UNC79: variants seen among roughly 807,000 people sequenced by gnomAD.
UNC79 encodes unc-79 subunit of NALCN channel complex.
Under a neutral mutation model 283.1 loss-of-function variants are expected in UNC79, and 37 were observed. The ratio of observed to expected loss-of-function variants is 0.13; its 90% CI spans 0.10 to 0.17. The LOEUF (loss-of-function observed/expected upper bound fraction) is 0.17, where lower values mean the gene tolerates loss of function less well. Among genes scored for constraint, UNC79 ranks in the 10% least tolerant of loss-of-function variants. The pLI is 1.00. For missense variants in UNC79, 2,272 were observed against 3,211.1 expected, an observed-to-expected ratio of 0.71 and a Z score of 7.07; for synonymous variants, 1,107 against 1,200.2, an observed-to-expected ratio of 0.92 and a Z score of 1.61.
intron 35 of UNC79, among the ~76,000 whole-genome samples, chr14:93,649,533 T>A (rs1177387808): frequency 6.6e-6 from 1 of 152,204 alleles, no homozygotes; most frequent in Non-Finnish European, 1.5e-5. Flanking sequence ...AAGTTAGCAT[T>A]AACTCAAGTT....
chr14:93,417,318 AT>A (rs1293042852), intron 1 of UNC79, among the ~76,000 whole-genome samples: 1 of 152,066 alleles, frequency 6.6e-6, no homozygotes, highest in Non-Finnish European at 1.5e-5. Context: ...TGGGTTGAAA[AT>A]TCTTTTCTTT....
At chr14:93,610,093 G>A (rs1002673804) in intron 26 of UNC79, among the ~76,000 whole-genome samples, 10 of 152,156 alleles carry the variant, frequency 6.6e-5, no homozygotes, top group Non-Finnish European at 1.3e-4. Context: ...AAAACTCAGG[G>A]TTGCACATTG....
chr14:93,532,728 G>A (rs2060888505), intron 11 of UNC79, 150 bp downstream of exon 11: 2 of 896,350 alleles, frequency 2.2e-6, no homozygotes, highest in South Asian at 2.4e-5. Flanking sequence ...AATTTAGCAT[G>A]CAAGATTGCT....
chr14:93,336,468 A>T (rs2053580024), intron 1 of UNC79, among the ~76,000 whole-genome samples: 1 of 151,828 alleles, frequency 6.6e-6, no homozygotes. Context: ...CAGCCTCCCG[A>T]GTAGCTGGGA....
At chr14:93,476,076 C>T (rs1033514677) in intron 3 of UNC79, among the ~76,000 whole-genome samples, 3 of 152,028 alleles carry the variant, frequency 2.0e-5, no homozygotes, top group Admixed American at 6.6e-5. Flanking sequence ...AATTCTGGTC[C>T]CACCCGGGGA....
intron 1 of UNC79, among the ~76,000 whole-genome samples, chr14:93,453,048 C>T (rs549048162): frequency 6.6e-6 from 1 of 152,290 alleles, no homozygotes; most frequent in African/African-American, 2.4e-5. Flanking sequence ...TCATGAATGG[C>T]AACTTGAATT....
chr14:93,519,213 T>C (rs1344233334), intron 7 of UNC79, among the ~76,000 whole-genome samples: 1 of 151,910 alleles, frequency 6.6e-6, no homozygotes, highest in African/African-American at 2.4e-5. Flanking sequence ...TCTAGGTTAA[T>C]TGACCCTTTC....
intron 14 of UNC79, among the ~76,000 whole-genome samples, chr14:93,554,070 G>C (rs2062030702): frequency 6.6e-6 from 1 of 152,208 alleles, no homozygotes; most frequent in African/African-American, 2.4e-5. Context: ...AGACAGCATG[G>C]CTGGGCATGG....
At chr14:93,606,105 C>G (rs999519247) in intron 26 of UNC79, among the ~76,000 whole-genome samples, 1 of 152,190 alleles carries the variant, frequency 6.6e-6, no homozygotes, top group Non-Finnish European at 1.5e-5. Flanking sequence ...TTATTTTACT[C>G]TAGCTTGTCT....
At chr14:93,682,787 C>A (rs944124992) in intron 42 of UNC79, 93 bp downstream of exon 45, 40 of 1,236,422 alleles carry the variant, frequency 3.2e-5, no homozygotes, top group Non-Finnish European at 4.3e-5. Flanking sequence ...GGGTTTGAGG[C>A]CTGCCATTTA....
At chr14:93,347,625 C>CTT (rs1951374249) in intron 1 of UNC79, among the ~76,000 whole-genome samples, 1 of 152,010 alleles carries the variant, frequency 6.6e-6, no homozygotes, top group Non-Finnish European at 1.5e-5. Context: ...AAGCCCGGGA[C>CTT]CCTGAGGAAC....
At chr14:93,401,231 A>G (rs1466254089) in intron 1 of UNC79, among the ~76,000 whole-genome samples, 1 of 152,206 alleles carries the variant, frequency 6.6e-6, no homozygotes. Context: ...TTCCAAAGAG[A>G]GACAGATCTT....
downstream of UNC79, chr14:93,707,736 T>C (rs1288834960): frequency 6.6e-6 from 1 of 152,256 alleles, no homozygotes; most frequent in Non-Finnish European, 1.5e-5. Flanking sequence ...GCACCAAGAT[T>C]TCTCTGCACC....
At chr14:93,371,656 T>C (rs2054450592) in intron 1 of UNC79, among the ~76,000 whole-genome samples, 1 of 151,952 alleles carries the variant, frequency 6.6e-6, no homozygotes, top group African/African-American at 2.4e-5. Flanking sequence ...CTGGCTAACA[T>C]GGTGAAACCC....
intron 1 of UNC79, among the ~76,000 whole-genome samples, chr14:93,404,493 A>AAAATATATATATATATATATATATATAT: frequency 1.3e-4 from 8 of 61,466 alleles, no homozygotes; most frequent in South Asian, 9.2e-4. Context: ...TTCTAAAAAA[A>AAAATATATATATATATATATATATATAT]ATATATATAT....
At chr14:93,355,523 A>G (rs1595380575) in intron 1 of UNC79, among the ~76,000 whole-genome samples, 1 of 151,898 alleles carries the variant, frequency 6.6e-6, no homozygotes, top group African/African-American at 2.4e-5. Flanking sequence ...AGTAGAGATG[A>G]GGTTTCACCA....
At chr14:93,693,798 T>C (rs1566935779) in intron 46 of UNC79, among the ~76,000 whole-genome samples, 1 of 152,204 alleles carries the variant, frequency 6.6e-6, no homozygotes, top group Non-Finnish European at 1.5e-5. Context: ...GCAAAAGATA[T>C]CCAGAAAACC....
At chr14:93,668,025 A>G (rs1009928396) in intron 40 of UNC79, among the ~76,000 whole-genome samples, 3 of 152,186 alleles carry the variant, frequency 2.0e-5, no homozygotes, top group Admixed American at 2.0e-4. Flanking sequence ...TAGTGGGTCT[A>G]CCAGAAACAT....
chr14:93,647,321 A>G (rs562991147), intron 35 of UNC79, among the ~76,000 whole-genome samples: 3 of 152,212 alleles, frequency 2.0e-5, no homozygotes, highest in Non-Finnish European at 4.4e-5. Context: ...CAACAGGAAA[A>G]CTGACTATGT....
Sources: allele counts gnomAD v4.1 joint callset (sites outside exome capture counted in the v4.1 genomes callset), GRCh38; gene constraint gnomAD v4.1.1; transcripts MANE v1.5; gene names NCBI Gene and HGNC (gene_info 2026-07-23, HGNC 2026-07-21).